KCP: variants seen among roughly 807,000 people sequenced by gnomAD.
KCP encodes the protein kielin/chordin-like protein.
In KCP, 194 loss-of-function variants were observed where a neutral mutation model predicts 212.7. The ratio of observed to expected loss-of-function variants is 0.91; its 90% CI spans 0.81 to 1.03. The LOEUF (loss-of-function observed/expected upper bound fraction) is 1.03, where lower values mean the gene tolerates loss of function less well. Ranked by LOEUF, KCP falls within the 50% of genes least tolerant of loss-of-function variation. The pLI is 0.00. For synonymous variants in KCP, 833 were observed against 865.3 expected, an observed-to-expected ratio of 0.96 and a Z score of 0.65; for missense variants, 2,080 against 2,162.5, an observed-to-expected ratio of 0.96 and a Z score of 0.76.
intron 29 of KCP, among the ~76,000 whole-genome samples, chr7:128,883,455 G>T (rs1336137198): frequency 6.6e-6 from 1 of 152,034 alleles, no homozygotes. Context: ...TCTATGTAAG[G>T]ATAACGTTCA....
At chr7:128,879,308 G>A (rs980042806) in intron 37 of KCP, 12 of 567,886 alleles carry the variant, frequency 2.1e-5, no homozygotes, top group Non-Finnish European at 3.1e-5. Flanking sequence ...AGGCTGAGCC[G>A]AGATTAGAAA....
At chr7:128,892,258 C>CG (rs1367250511) in intron 16 of KCP, among the ~76,000 whole-genome samples, 123 of 64,184 alleles carry the variant, frequency 1.9e-3, no homozygotes, top group African/African-American at 6.5e-3. Context: ...CGTGGTGGGG[C>CG]GGGGGGCAGT....
Position 128,881,845 on chromosome 7 carries a change from C to G in KCP, c.3324+92G>C, listed in dbSNP as rs1793351990. The G allele has an allele frequency of 1.6e-5, 22 of 1,411,798 alleles. No individual in the cohort carries two copies. The South Asian group carries it at 2.6e-4, about 17-fold the overall frequency. The allele number at this position is 1,411,798 out of a possible 1,614,324, so 87.5% of individuals were successfully genotyped here. On this transcript the variant is annotated intron_variant, in intron 30 of 39. Transcript: ENST00000610776. ...GGCAAATGTCAGGGCGAATGGAGAG[C>G]CCTGGAGCTGCTGCGGGAGAGGAGT...
Position 128,879,843 on chromosome 7 carries a change from A to T in KCP, c.3933-14T>A. The T allele has an allele frequency of 6.4e-7, 1 of 1,551,082 alleles. No homozygotes were observed. The highest frequency in any genetic ancestry group is 8.7e-7 in the Non-Finnish European group (1 of 1,146,950). ...GTCACGTGCACACTGTGGGCAGGAA[A>T]GTCCCAGGTGCCAATGGTCAGCAGG... On this transcript the variant is annotated splice_polypyrimidine_tract_variant and intron_variant, in intron 35 of 39. Transcript: ENST00000610776.
chr7:128,893,490 C>T lies in KCP; in HGVS notation c.1100-14G>A. On this transcript the variant is annotated splice_polypyrimidine_tract_variant and intron_variant, in intron 11 of 39. Transcript: ENST00000610776. Reference sequence around the variant, plus strand: ...GGTACTCACAGCCTGGATGGGATGACAGGGGCGTGGGGGTATAGGGCTGGA... The same window carrying T: ...GGTACTCACAGCCTGGATGGGATGATAGGGGCGTGGGGGTATAGGGCTGGA... The T allele has an allele frequency of 2.0e-6, 3 of 1,534,990 alleles. No individual in the cohort carries two copies. The highest frequency in any genetic ancestry group is 1.7e-4 in the Middle Eastern group (1 of 5,960).
At chr7:128,896,889 C>CA (rs35522047) in intron 8 of KCP, among the ~76,000 whole-genome samples, 5,534 of 57,866 alleles carry the variant, frequency 0.096, 640 homozygotes, top group East Asian at 0.3. Flanking sequence ...GACTCCATCT[C>CA]AAAAAAAAAA....
In KCP at chr7:128,902,837, G is replaced by A; in HGVS notation, c.771C>T (p.His257=). 6.4e-7 allele frequency: 1 copy of A among 1,551,466 alleles called. No individual in the cohort carries two copies. The highest frequency in any genetic ancestry group is 8.7e-7 in the Non-Finnish European group (1 of 1,147,004). Residue 257 remains histidine (H), a synonymous_variant, in exon 8 of 40, where the codon CAC becomes CAT. Transcript: ENST00000610776. ...TCQGCTEGGS[H]WEHGQEWTTP... ...TTGTCCACTCTTGGCCATGTTCCCAGTGAGAGCCACCTTCTGTGCAGCCTA... is the reference window on the plus strand; with the variant it reads ...TTGTCCACTCTTGGCCATGTTCCCAATGAGAGCCACCTTCTGTGCAGCCTA...
At chr7:128,880,136 T>TC in intron 34 of KCP, 51 bp from the exon 35 acceptor site, 16 of 1,466,832 alleles carry the variant, frequency 1.1e-5, no homozygotes, top group Non-Finnish European at 1.3e-5. Flanking sequence ...CCGCCATGCC[T>TC]CTCGCAGACC....
chr7:128,877,219 C>T lies in KCP; in HGVS notation c.4711G>A (p.Glu1571Lys), dbSNP rs536851576. The T allele has an allele frequency of 1.4e-6, 2 of 1,477,968 alleles. No homozygotes were observed. Among genetic ancestry groups the T allele is most frequent in the East Asian group, 5.0e-5 (2 of 39,940 alleles). The allele number at this position is 1,477,968 out of a possible 1,614,324, so 91.6% of individuals were successfully genotyped here. A position where few individuals can be genotyped will look rare whatever the true frequency, so the allele number is the denominator to read the frequency against. Residue 1571 changes from glutamate to lysine, a missense_variant, in exon 40 of 40, where the codon GAG becomes AAG. Coordinates refer to ENST00000610776, the MANE Select transcript of KCP (RefSeq NM_001366122.1). Reference protein sequence around the residue: ...TCFNQHIPLGELAAHCVRPCV... With the variant: ...TCFNQHIPLGKLAAHCVRPCV... ...GGCCTCACGCAGTGGGCTGCCAGCT[C>T]CCCCAGGGGGATATGCTGATTGAAG...
rs954862795 is a variant in KCP at position 128,890,898 on chromosome 7, G to A, written c.2164+7C>T. ...GGTGGCCGGGAGGGGCACCGCCAGG[G>A]CGTTACCGTCGCAGGAGGGGCAGCA... On this transcript the variant is annotated splice_region_variant and intron_variant, in intron 20 of 39. Transcript: ENST00000610776. The A allele has an allele frequency of 9.6e-6, 12 of 1,249,888 alleles. No homozygotes were observed. The highest frequency in any genetic ancestry group is 1.2e-5 in the Non-Finnish European group (12 of 1,002,520). 77.4% of individuals were successfully genotyped at this position (1,249,888 alleles called of 1,614,324 possible).
At chr7:128,906,142 C>G in intron 5 of KCP, 137 bp downstream of exon 5, 1 of 711,554 alleles carries the variant, frequency 1.4e-6, no homozygotes, top group South Asian at 1.6e-5. Flanking sequence ...TGCATGGGTT[C>G]TGCACTCCCC....
At chr7:128,907,518 A>G in intron 2 of KCP, 65 bp from the exon 3 acceptor site, 5 of 1,145,756 alleles carry the variant, frequency 4.4e-6, no homozygotes, top group Non-Finnish European at 5.8e-6. Context: ...AGTAGAGATG[A>G]GGGGTGTGAA....
rs1311911965 is a variant in KCP at position 128,894,219 on chromosome 7, G to C, written c.906C>G (p.Thr302=). Residue 302 remains threonine, a synonymous_variant, in exon 9 of 40, where the codon ACC becomes ACG. Transcript: ENST00000610776. The stretch of plus-strand genomic sequence containing the variant: ...ACTCACCATCACACACAGGGCAGCA[G>C]GTGCCTGGGAGGGGCCGGGCTGGGT... The part of the protein sequence containing the change: ...CPYPARPLPG[T]CCPVCDGCFL... 1.3e-6 allele frequency: 2 copies of C among 1,537,402 alleles called. No homozygotes were observed. Among genetic ancestry groups the C allele is most frequent in the Non-Finnish European group, 1.8e-6 (2 of 1,137,652 alleles).
At chr7:128,910,210 G>T (rs1286173523) in intron 1 of KCP, among the ~76,000 whole-genome samples, 2 of 152,178 alleles carry the variant, frequency 1.3e-5, no homozygotes, top group East Asian at 3.9e-4. Flanking sequence ...CTGGCCCCGT[G>T]CCGGCACCGA....
chr7:128,884,892 AC>A (rs1367785612), intron 27 of KCP, 29 bp from the exon 28 acceptor site: 7 of 1,547,422 alleles, frequency 4.5e-6, no homozygotes, highest in South Asian at 3.6e-5. Context: ...GCAGAACGGG[AC>A]CAGGGGTCCT....
Position 128,888,979 on chromosome 7 carries a change from G to C in KCP, c.2396C>G (p.Pro799Arg). Residue 799 changes from proline (P) to arginine (R), a missense_variant, in exon 22 of 40, where the codon CCC becomes CGC. Transcript: ENST00000610776. The part of the protein sequence containing the change: ...SNQEFPDPRE[P>R]CNLCTCLGGF... ...TCCAAGACAGGTACACAGGTTGCAGGGTTCTCGGGGGTCTGGGAACTCCTG... is the reference window on the plus strand; with the variant it reads ...TCCAAGACAGGTACACAGGTTGCAGCGTTCTCGGGGGTCTGGGAACTCCTG... The C allele has an allele frequency of 6.5e-7, 1 of 1,544,082 alleles. No individual in the cohort carries two copies. The highest frequency in any genetic ancestry group is 8.8e-7 in the Non-Finnish European group (1 of 1,142,678).
intron 1 of KCP, among the ~76,000 whole-genome samples, chr7:128,910,337 C>A (rs115567694): frequency 0.013 from 2,052 of 152,338 alleles, 56 homozygotes; most frequent in African/African-American, 0.047. Context: ...TAACTTCAGA[C>A]TCCCAGATGC....
chr7:128,901,337 C>T (rs929112398), intron 8 of KCP, among the ~76,000 whole-genome samples: 2 of 152,186 alleles, frequency 1.3e-5, no homozygotes, highest in African/African-American at 4.8e-5. Context: ...TCTTAATAAA[C>T]TGCTTTTGGC....
At position 128,891,106 on chromosome 7, in the gene KCP, G is replaced by A. The variant is rs898410067; in HGVS notation, c.1973-10C>T. 94 of 1,471,614 alleles carry A rather than the reference G, an allele frequency of 6.4e-5. No individual in the cohort carries two copies. Among genetic ancestry groups the A allele is most frequent in the Non-Finnish European group, 7.9e-5 (88 of 1,114,282 alleles). The allele number at this position is 1,471,614 out of a possible 1,614,324, so 91.2% of individuals were successfully genotyped here. A position where few individuals can be genotyped will look rare whatever the true frequency, so the allele number is the denominator to read the frequency against. ...GCGGGGGCTGGGGCGGCTGCGGCGA[G>A]ACAGCGCATCAAAGGGGCCCAGGAA... On this transcript the variant is annotated splice_polypyrimidine_tract_variant and intron_variant, in intron 19 of 39. Transcript: ENST00000610776.
Sources: gnomAD v4.1 joint callset for allele counts (sites outside exome capture counted in the v4.1 genomes callset) on GRCh38, gnomAD v4.1.1 for gene constraint, MANE v1.5 for transcripts, NCBI Gene and HGNC (gene_info 2026-07-23, HGNC 2026-07-21) for gene names.